Variants in PLCB2 observed in about 807,000 individuals in gnomAD.
The protein encoded by PLCB2 is phospholipase C beta 2.
In PLCB2, 115 loss-of-function variants were observed where a neutral mutation model predicts 141.7. The observed-to-expected ratio is 0.81, with a 90% confidence interval of 0.70 to 0.95. PLCB2 has a LOEUF of 0.95. PLCB2 is among the 40% of genes least tolerant of loss of function. PLCB2 has a pLI of 0.00. For synonymous variants in PLCB2, 603 were observed against 595.6 expected, an observed-to-expected ratio of 1.01 and a Z score of -0.18; for missense variants, 1,403 against 1,541.1, an observed-to-expected ratio of 0.91 and a Z score of 1.50.
Position 40,294,429 on chromosome 15 carries a change from A to T in PLCB2, c.1907-9T>A, listed in dbSNP as rs1032069093. The T allele has an allele frequency of 1.9e-6, 3 of 1,613,958 alleles. No homozygotes were observed. Among genetic ancestry groups the T allele is most frequent in the East Asian group, 4.5e-5 (2 of 44,880 alleles). On this transcript the variant is annotated splice_polypyrimidine_tract_variant and intron_variant, in intron 18 of 31. Transcript: ENST00000260402. ...CTGCTGCATGGGCAAGTCTGGAGGG[A>T]CAAGGACACTCAGTGAGGAAGGCCC... is the stretch of plus-strand genomic sequence containing the variant.
rs145192977 is a variant in PLCB2 at position 40,297,507 on chromosome 15, C to G, written c.1323+14G>C. On this transcript the variant is annotated intron_variant, in intron 13 of 31. Transcript: ENST00000260402. The surrounding 1 kb of genome is among the most constrained non-coding windows in gnomAD (Gnocchi z 4.2). The stretch of plus-strand genomic sequence containing the variant: ...GGCCCAAGGCTCAAATGTCCCACAG[C>G]GAAGCCCACTCACTGGGAACTTTTC... 8.7e-5 allele frequency: 140 copies of G among 1,603,266 alleles called. No individual in the cohort carries two copies. The highest frequency in any genetic ancestry group is 1.1e-4 in the Non-Finnish European group (126 of 1,170,220).
chr15:40,299,914 T>C (rs1184084168), intron 7 of PLCB2, among the ~76,000 whole-genome samples: 2 of 152,152 alleles, frequency 1.3e-5, no homozygotes, highest in African/African-American at 4.8e-5. Flanking sequence ...TATAAGTGAC[T>C]AATAAACACA....
Position 40,302,335 on chromosome 15 carries a change from G to A in PLCB2, c.387C>T (p.Asp129=), listed in dbSNP as rs769731395. 15 of 1,613,926 alleles carry A rather than the reference G, an allele frequency of 9.3e-6. No homozygotes were observed. Among genetic ancestry groups the A allele is most frequent in the East Asian group, 8.9e-5 (4 of 44,880 alleles). ...KENVGKAWAE[D]VLALVKHPLT... is the part of the protein sequence containing the mutation. Reference sequence around the variant, plus strand: ...GCGGATGTTTGACTAGGGCCAGTACGTCCTCAGCCCAGGCCTGCAGGACCA... The same window carrying A: ...GCGGATGTTTGACTAGGGCCAGTACATCCTCAGCCCAGGCCTGCAGGACCA... Residue 129 remains aspartate, a synonymous_variant, in exon 5 of 32, where the codon GAC becomes GAT. Transcript: ENST00000260402.
Position 40,294,933 on chromosome 15 carries a change from C to G in PLCB2, c.1906+3G>C. 6.2e-7 allele frequency: 1 copy of G among 1,614,078 alleles called. No homozygotes were observed. Among genetic ancestry groups the G allele is most frequent in the Non-Finnish European group, 8.5e-7 (1 of 1,179,954 alleles). ...ATTCTTAGGGGCCTGGGAATGCCCT[C>G]ACCCATCGTCTGGAAGTTGAGGGCA... is the stretch of plus-strand genomic sequence containing the variant. On this transcript the variant is annotated splice_donor_region_variant and intron_variant, in intron 18 of 31. Coordinates refer to ENST00000260402, the MANE Select transcript of PLCB2 (RefSeq NM_004573.3).
Position 40,301,544 on chromosome 15 carries a change from G to T in PLCB2, c.582+413C>A, listed in dbSNP as rs949879200. The stretch of plus-strand genomic sequence containing the variant: ...TGGTTCAGTTCCTCTCCCTCGACAC[G>T]CTGCAGACTTCCAGATCCCTGCAGA... On this transcript the variant is annotated intron_variant, in intron 7 of 31. Transcript: ENST00000260402. 5.7e-6 allele frequency: 4 copies of T among 702,774 alleles called. No homozygotes were observed. The African/African-American group carries it at 7.0e-5, about 12-fold the overall frequency. 43.5% of individuals were successfully genotyped at this position (702,774 alleles called of 1,614,324 possible).
chr15:40,307,191 A>C (rs1370368758), intron 1 of PLCB2, among the ~76,000 whole-genome samples: 5 of 152,134 alleles, frequency 3.3e-5, no homozygotes, highest in Non-Finnish European at 5.9e-5. Context: ...GCTGGGTCTG[A>C]GCGCCCTGCC....
At chr15:40,284,608 G>A (rs561136804), downstream of PLCB2, 200 of 453,214 alleles carry the variant, frequency 4.4e-4, no homozygotes, top group Non-Finnish European at 6.8e-4. Context: ...TTGGGAGGCC[G>A]AGGCGGGCGG....
chr15:40,284,917 C>T (rs143383866), downstream of PLCB2, among the ~76,000 whole-genome samples: 1 of 149,530 alleles, frequency 6.7e-6, no homozygotes, highest in East Asian at 2.0e-4. Context: ...CAGGATAAAC[C>T]TTCAGGGGAC....
At chr15:40,306,914 C>G (rs1211595457) in intron 1 of PLCB2, among the ~76,000 whole-genome samples, 2 of 152,252 alleles carry the variant, frequency 1.3e-5, no homozygotes, top group African/African-American at 4.8e-5. Context: ...AGCCTGGGAG[C>G]AGCCCCGTGT....
chr15:40,293,832 T>A, intron 19 of PLCB2, 108 bp from the exon 20 acceptor site: 1 of 1,107,690 alleles, frequency 9.0e-7, no homozygotes, highest in Non-Finnish European at 1.3e-6. Context: ...TCTTGGGTGT[T>A]ATGAAGAACC....
rs1280761344 is a variant in PLCB2, at chr15:40,293,694, T to C, written c.2092A>G (p.Ser698Gly). ...TCCACTTCTACATAGGTGCGCACGC[T>C]GCGTTCTGACAGGAACTGCCCAGAG... ...VISGQFLSER[S>G]VRTYVEVELF... The change falls in exon 20 of 32, where the codon AGC becomes GGC. Residue 698 changes from serine (S) to glycine (G), a missense_variant. This residue lies in a region of PLCB2 where 975 missense variants were observed against 1,141.1 expected (regional missense o/e 0.85). Coordinates refer to ENST00000260402, the MANE Select transcript of PLCB2 (RefSeq NM_004573.3). 1 of 1,613,664 alleles carries C rather than the reference T, an allele frequency of 6.2e-7. No individual in the cohort carries two copies. Among genetic ancestry groups the C allele is most frequent in the Non-Finnish European group, 8.5e-7 (1 of 1,179,782 alleles).
rs374751358 is a variant in PLCB2 at position 40,302,300 on chromosome 15, T to C, written c.422A>G (p.Asn141Ser). 15 of 1,613,970 alleles carry C rather than the reference T, an allele frequency of 9.3e-6. No individual in the cohort carries two copies. Among genetic ancestry groups the C allele is most frequent in the South Asian group, 5.5e-5 (5 of 91,084 alleles). The change falls in exon 5 of 32, where the codon AAC (asparagine) becomes AGC (serine). Residue 141 changes from asparagine to serine, a missense_variant. By Grantham distance (46) the Asn-to-Ser change is conservative. Coordinates refer to ENST00000260402, the MANE Select transcript of PLCB2 (RefSeq NM_004573.3). Reference protein sequence around the residue: ...LALVKHPLTANASRSTFLDKI... With the variant: ...LALVKHPLTASASRSTFLDKI... ...GTCCAGGAAGGTGCTGCGGGAGGCG[T>C]TGGCCGTCAGCGGATGTTTGACTAG...
chr15:40,303,020 T>A (rs1045205352), intron 3 of PLCB2, among the ~76,000 whole-genome samples: 4 of 152,168 alleles, frequency 2.6e-5, no homozygotes, highest in Admixed American at 2.6e-4. Context: ...CCAGACAGAC[T>A]GGGGTGCTTT....
In PLCB2 at chr15:40,290,796, C is replaced by T. The variant is rs373007934; in HGVS notation, c.3078G>A (p.Ala1026=). 6 of 1,613,498 alleles carry T rather than the reference C, an allele frequency of 3.7e-6. No homozygotes were observed. The highest frequency in any genetic ancestry group is 1.3e-5 in the African/African-American group (1 of 74,764). The change falls in exon 28 of 32, where the codon GCG becomes GCA. Residue 1026 remains alanine, a synonymous_variant. Transcript: ENST00000260402. ...KMMELAREKQ[A]AELKALKETS... is the part of the protein sequence containing the mutation. ...TCTCCTTCAGGGCCTTCAGCTCTGCCGCCTGTTTCTCTCTGGCCAGCTCCA... is the reference window on the plus strand; with the variant it reads ...TCTCCTTCAGGGCCTTCAGCTCTGCTGCCTGTTTCTCTCTGGCCAGCTCCA...
Position 40,307,822 on chromosome 15 carries a change from G to A in PLCB2, c.-150C>T, listed in dbSNP as rs2040873670. On this transcript the variant is annotated 5_prime_UTR_variant, in exon 1 of 32. It introduces an in-frame stop codon into an upstream open reading frame of the 5' UTR. Transcript: ENST00000260402. The stretch of plus-strand genomic sequence containing the variant: ...AAATCTAGTTGCTCTTATAGCCCCT[G>A]GGGTGGCCCTGGCTGAGTGCAGGAC... 4 of 577,294 alleles carry A rather than the reference G, an allele frequency of 6.9e-6. No homozygotes were observed. In the South Asian group the frequency reaches 7.8e-5, roughly 11 times the overall value. The allele number at this position is 577,294 out of a possible 1,614,324, so 35.8% of individuals were successfully genotyped here.
chr15:40,296,493 C>T, intron 15 of PLCB2, 29 bp downstream of exon 15: 2 of 1,613,814 alleles, frequency 1.2e-6, no homozygotes, highest in Non-Finnish European at 1.7e-6. Context: ...GAGGATGACA[C>T]AGAGGGGCCT....
chr15:40,301,941 G>A lies in PLCB2; in HGVS notation c.582+16C>T. 1 of 1,610,408 alleles carries A rather than the reference G, an allele frequency of 6.2e-7. No individual in the cohort carries two copies. Among genetic ancestry groups the A allele is most frequent in the Non-Finnish European group, 8.5e-7 (1 of 1,176,616 alleles). On this transcript the variant is annotated intron_variant, in intron 7 of 31. Coordinates refer to ENST00000260402, the MANE Select transcript of PLCB2 (RefSeq NM_004573.3). ...CAAGAATGCTGGGGGATGGGCAGGGGTGCAGATCCACTCACTTTGCCTTTG... is the reference window on the plus strand; with the variant it reads ...CAAGAATGCTGGGGGATGGGCAGGGATGCAGATCCACTCACTTTGCCTTTG...
chr15:40,293,059 G>A (rs369733304), intron 20 of PLCB2, 34 bp from the exon 21 acceptor site: 83 of 1,410,844 alleles, frequency 5.9e-5, no homozygotes, highest in Non-Finnish European at 7.8e-5. Flanking sequence ...AGGCTGGGAG[G>A]GGAGAGAGGA....
rs535385340 is a variant in PLCB2 at position 40,303,248 on chromosome 15, T to C, written c.231+40A>G. On this transcript the variant is annotated intron_variant, in intron 3 of 31. Transcript: ENST00000260402. ...CCCTGCCCTTGCCCCATGGAGCTAG[T>C]AGCTGTGCTTGAGCCTGGGCTGCTA... The C allele has an allele frequency of 6.8e-5, 99 of 1,459,616 alleles. 2 individuals are homozygous for C. In the South Asian group the frequency reaches 1.0e-3, roughly 15 times the overall value. 90.4% of individuals were successfully genotyped at this position (1,459,616 alleles called of 1,614,324 possible).
Sources: allele counts gnomAD v4.1 joint callset (sites outside exome capture counted in the v4.1 genomes callset), GRCh38; gene constraint gnomAD v4.1.1; regional missense constraint gnomAD v4.1.1; non-coding constraint Gnocchi (gnomAD v3.1); transcripts MANE v1.5; gene names NCBI Gene and HGNC (gene_info 2026-07-23, HGNC 2026-07-21).